RANBP2: variants seen among roughly 807,000 people sequenced by gnomAD.
RANBP2 encodes the protein E3 SUMO-protein ligase RanBP2.
RANBP2 carries 57 observed loss-of-function variants against 303.6 expected under a neutral mutation model. The observed-to-expected ratio is 0.19, with a 90% CI of 0.15 to 0.23. The LOEUF (loss-of-function observed/expected upper bound fraction) is 0.23, where lower values mean the gene tolerates loss of function less well. Ranked by LOEUF, RANBP2 falls within the 10% of genes least tolerant of loss-of-function variation. The pLI, the probability that RANBP2 is intolerant of heterozygous loss-of-function variation, is 1.00. For missense variants in RANBP2, 3,138 were observed against 3,780.8 expected, an observed-to-expected ratio of 0.83 and a Z score of 4.46; for synonymous variants, 1,167 against 1,301.5, an observed-to-expected ratio of 0.90 and a Z score of 2.23.
the RANBP2 span, among the ~76,000 whole-genome samples, chr2:109,297,244 C>G: frequency 3.9e-5 from 6 of 152,104 alleles, no homozygotes; most frequent in Admixed American, 1.3e-4. Context: ...TTGACACCAT[C>G]ATCATCATCG....
the RANBP2 span, among the ~76,000 whole-genome samples, chr2:109,090,875 A>G: frequency 6.6e-6 from 1 of 152,084 alleles, no homozygotes; most frequent in African/African-American, 2.4e-5. Flanking sequence ...CCTCTACTCA[A>G]TACAGCACAC....
the RANBP2 span, chr2:108,894,570 G>A: frequency 6.6e-6 from 1 of 152,404 alleles, no homozygotes; most frequent in Non-Finnish European, 1.5e-5. Context: ...ACTGTCTAAG[G>A]GCCACAGACC....
the RANBP2 span, among the ~76,000 whole-genome samples, chr2:108,852,104 A>G: frequency 2.0e-5 from 3 of 152,230 alleles, no homozygotes. Flanking sequence ...AGCACTTTAT[A>G]TATATTAACT....
chr2:108,989,421 AGGGGTGG>A, the RANBP2 span: 1 of 151,996 alleles, frequency 6.6e-6, no homozygotes, highest in Non-Finnish European at 1.5e-5. Flanking sequence ...TTTTTTTTGC[AGGGGTGG>A]GGGCCTTGCT....
At chr2:109,743,456 G>C in the RANBP2 span, among the ~76,000 whole-genome samples, 6 of 145,430 alleles carry the variant, frequency 4.1e-5, no homozygotes, top group Non-Finnish European at 9.0e-5. Flanking sequence ...ATCCATAAAA[G>C]AAAAATCGAC....
the RANBP2 span, among the ~76,000 whole-genome samples, chr2:109,631,797 TATA>T: frequency 6.6e-6 from 1 of 152,060 alleles, no homozygotes; most frequent in African/African-American, 2.4e-5. Context: ...ATCTCTGTTG[TATA>T]ACAAATAATT....
At chr2:108,769,034 CAA>C (rs397934184) in intron 20 of RANBP2, among the ~76,000 whole-genome samples, 2 of 107,156 alleles carry the variant, frequency 1.9e-5, no homozygotes, top group Admixed American at 9.9e-5. Context: ...ACTTTGTCTC[CAA>C]AAAAAAAAAA....
chr2:109,674,239 AC>A, the RANBP2 span, among the ~76,000 whole-genome samples: 1,676 of 148,016 alleles, frequency 0.011, 44 homozygotes, highest in African/African-American at 0.039. Context: ...GAATTTAACA[AC>A]CCCCCCCCAA....
chr2:109,181,207 C>T, the RANBP2 span, among the ~76,000 whole-genome samples: 130,842 of 152,212 alleles, frequency 0.86, 56,371 homozygotes, highest in African/African-American at 0.91. Context: ...TGGGAATGAT[C>T]TTAGGTTTAT....
the RANBP2 span, among the ~76,000 whole-genome samples, chr2:109,463,939 G>A: frequency 6.6e-6 from 1 of 152,146 alleles, no homozygotes; most frequent in African/African-American, 2.4e-5. Context: ...TTAGAAAGAG[G>A]CACCCGTACA....
At chr2:108,742,411 C>G (rs1696184467) in intron 7 of RANBP2, among the ~76,000 whole-genome samples, 1 of 152,084 alleles carries the variant, frequency 6.6e-6, no homozygotes, top group South Asian at 2.1e-4. Flanking sequence ...TCAAGTGATT[C>G]TCCTGCTTCA....
At chr2:108,911,459 A>G in the RANBP2 span, among the ~76,000 whole-genome samples, 1 of 152,204 alleles carries the variant, frequency 6.6e-6, no homozygotes, top group Non-Finnish European at 1.5e-5. Context: ...TCCAAACAAA[A>G]GTCAGGATGC....
the RANBP2 span, among the ~76,000 whole-genome samples, chr2:109,200,067 G>C: frequency 6.6e-6 from 1 of 152,132 alleles, no homozygotes; most frequent in Non-Finnish European, 1.5e-5. Flanking sequence ...CCAGTGGCCA[G>C]GGTAAGAAAC....
At chr2:109,585,210 T>C in the RANBP2 span, 2 of 1,613,014 alleles carry the variant, frequency 1.2e-6, no homozygotes, top group East Asian at 2.2e-5. Flanking sequence ...CTGGAGTTCA[T>C]ATGTCTGAGC....
the RANBP2 span, among the ~76,000 whole-genome samples, chr2:109,133,015 T>G: frequency 6.6e-6 from 1 of 152,242 alleles, no homozygotes; most frequent in African/African-American, 2.4e-5. Context: ...CTTCTGCAGT[T>G]CATGTAGACT....
At chr2:109,125,419 T>C in the RANBP2 span, among the ~76,000 whole-genome samples, 1 of 152,244 alleles carries the variant, frequency 6.6e-6, no homozygotes, top group Non-Finnish European at 1.5e-5. Context: ...CTGTTTCCTC[T>C]GAGCTTTTTC....
chr2:109,238,583 A>T, the RANBP2 span, among the ~76,000 whole-genome samples: 1 of 151,674 alleles, frequency 6.6e-6, no homozygotes, highest in South Asian at 2.1e-4. Flanking sequence ...TTTGGAGGGG[A>T]CATTTTTTCA....
the RANBP2 span, among the ~76,000 whole-genome samples, chr2:109,640,132 T>C: frequency 2.0e-5 from 3 of 151,528 alleles, no homozygotes; most frequent in African/African-American, 7.3e-5. Context: ...CTAAGTAGAA[T>C]GGAGGAGTCC....
chr2:109,148,718 G>A, the RANBP2 span, among the ~76,000 whole-genome samples: 1 of 152,238 alleles, frequency 6.6e-6, no homozygotes, highest in Non-Finnish European at 1.5e-5. Flanking sequence ...AGAGCGTAAT[G>A]TGTAGTGAAT....
Sources: allele counts gnomAD v4.1 joint callset (sites outside exome capture counted in the v4.1 genomes callset), GRCh38; gene constraint gnomAD v4.1.1; transcripts MANE v1.5; gene names NCBI Gene and HGNC (gene_info 2026-07-23, HGNC 2026-07-21).